The following KCNB2 variants were observed in gnomAD, a reference collection of about 807,000 sequenced individuals.
The protein encoded by KCNB2 is delayed rectifier potassium channel protein.
In KCNB2, 15 loss-of-function variants were observed where a neutral mutation model predicts 61.5. The observed-to-expected ratio is 0.24, with a 90% CI of 0.16 to 0.38. KCNB2 has a LOEUF of 0.38. KCNB2 is among the 10% of genes least tolerant of loss of function. KCNB2 has a pLI of 1.00. For synonymous variants in KCNB2, 457 were observed against 446.0 expected (o/e 1.02, Z -0.31); for missense variants, 828 against 1,125.2 (o/e 0.74, Z 3.78).
intron 2 of KCNB2, among the ~76,000 whole-genome samples, chr8:72,763,680 A>G (rs1479244073): frequency 1.3e-5 from 2 of 152,244 alleles, no homozygotes; most frequent in African/African-American, 4.8e-5. Flanking sequence ...ATTGATAAAA[A>G]CAGAATTCTT....
intron 2 of KCNB2, among the ~76,000 whole-genome samples, chr8:72,581,125 T>C (rs1806886596): frequency 1.3e-5 from 2 of 152,184 alleles, no homozygotes; most frequent in Admixed American, 6.5e-5. Context: ...TATTTCCACA[T>C]GGCTATATCC....
chr8:72,655,042 A>G (rs1585809823), intron 2 of KCNB2, among the ~76,000 whole-genome samples: 2 of 152,302 alleles, frequency 1.3e-5, no homozygotes, highest in South Asian at 4.1e-4. Context: ...CATGGAATCA[A>G]CGTAAATGCC....
intron 2 of KCNB2, among the ~76,000 whole-genome samples, chr8:72,868,870 C>T (rs951238897): frequency 1.3e-5 from 2 of 152,126 alleles, no homozygotes; most frequent in African/African-American, 4.8e-5. Context: ...TAACCAGGAC[C>T]TCTCCATATC....
chr8:72,552,328 A>G lies in KCNB2; in HGVS notation c.-94+14443A>G, dbSNP rs138141156. 7.0e-4 allele frequency among the ~76,000 whole-genome samples: 106 copies of G among 152,348 alleles called. 1 individual carries two copies. The highest frequency in any genetic ancestry group is 1.4e-3 in the Non-Finnish European group (92 of 68,028). ...GTTGTCTAGACCAGTGCTTCCCAATAGAACTTGATGTGATGATGGAAATGT... is the reference window on the plus strand; with the variant it reads ...GTTGTCTAGACCAGTGCTTCCCAATGGAACTTGATGTGATGATGGAAATGT... On this transcript the variant is annotated intron_variant, in intron 1 of 2. Coordinates refer to ENST00000523207, the MANE Select transcript of KCNB2 (RefSeq NM_004770.3).
chr8:72,680,237 A>G (rs781319534), intron 2 of KCNB2, among the ~76,000 whole-genome samples: 3 of 152,174 alleles, frequency 2.0e-5, no homozygotes, highest in Non-Finnish European at 4.4e-5. Flanking sequence ...CAAGGAAGGC[A>G]TGGGTGGAAG....
intron 2 of KCNB2, among the ~76,000 whole-genome samples, chr8:72,590,787 C>A (rs1034989758): frequency 7.2e-5 from 11 of 152,100 alleles, no homozygotes; most frequent in African/African-American, 2.7e-4. Context: ...GTGTCACAAA[C>A]AAGCAAAAAA....
chr8:72,798,415 C>T (rs1809067484), intron 2 of KCNB2, among the ~76,000 whole-genome samples: 1 of 152,132 alleles, frequency 6.6e-6, no homozygotes, highest in Middle Eastern at 3.2e-3. Context: ...CTTATATCAT[C>T]CTACCATAGC....
chr8:72,636,570 A>G (rs1805969973), intron 2 of KCNB2, among the ~76,000 whole-genome samples: 1 of 152,184 alleles, frequency 6.6e-6, no homozygotes, highest in Admixed American at 6.6e-5. Flanking sequence ...AGATAGTATT[A>G]TGATCCCTGT....
intron 2 of KCNB2, among the ~76,000 whole-genome samples, chr8:72,739,867 C>T (rs1465521368): frequency 6.6e-6 from 1 of 152,096 alleles, no homozygotes; most frequent in African/African-American, 2.4e-5. Flanking sequence ...TTCTAACTTT[C>T]TAACTAAACA....
chr8:72,603,374 G>T (rs1805389626), intron 2 of KCNB2, among the ~76,000 whole-genome samples: 1 of 152,110 alleles, frequency 6.6e-6, no homozygotes, highest in Non-Finnish European at 1.5e-5. Flanking sequence ...AATGCAACAT[G>T]CCTTTGCATG....
intron 2 of KCNB2, among the ~76,000 whole-genome samples, chr8:72,694,440 A>G (rs1361732833): frequency 1.3e-5 from 2 of 152,172 alleles, no homozygotes; most frequent in African/African-American, 2.4e-5. Flanking sequence ...ATCTGCCTTA[A>G]TCGATCATTC....
intron 2 of KCNB2, among the ~76,000 whole-genome samples, chr8:72,588,464 G>A (rs1008507095): frequency 3.3e-5 from 5 of 151,796 alleles, no homozygotes; most frequent in Non-Finnish European, 2.9e-5. Context: ...CAGGTGATCC[G>A]CCAACCCCAG....
chr8:72,667,945 G>T (rs1046795709), intron 2 of KCNB2, among the ~76,000 whole-genome samples: 1 of 152,160 alleles, frequency 6.6e-6, no homozygotes, highest in African/African-American at 2.4e-5. Flanking sequence ...GACTGTGTTG[G>T]GGGTCCCCAA....
At chr8:72,678,134 A>G (rs1289881285) in intron 2 of KCNB2, among the ~76,000 whole-genome samples, 3 of 152,172 alleles carry the variant, frequency 2.0e-5, no homozygotes, top group African/African-American at 7.2e-5. Flanking sequence ...GTAATACCCC[A>G]CATCGATTAT....
At chr8:72,789,278 A>G (rs1365835485) in intron 2 of KCNB2, among the ~76,000 whole-genome samples, 2 of 152,190 alleles carry the variant, frequency 1.3e-5, no homozygotes. Context: ...ACAACATTTT[A>G]TGGGATTAGA....
At chr8:72,931,049 T>C (rs1806771141) in intron 2 of KCNB2, among the ~76,000 whole-genome samples, 1 of 152,240 alleles carries the variant, frequency 6.6e-6, no homozygotes, top group East Asian at 1.9e-4. Flanking sequence ...ATTTGTTAAA[T>C]AGGGAATCCT....
intron 2 of KCNB2, among the ~76,000 whole-genome samples, chr8:72,813,787 T>C (rs1208256298): frequency 6.6e-6 from 1 of 152,220 alleles, no homozygotes; most frequent in Non-Finnish European, 1.5e-5. Flanking sequence ...TCTCCTCACT[T>C]CTATCATCAT....
At chr8:72,646,824 G>A (rs2128986105) in intron 2 of KCNB2, among the ~76,000 whole-genome samples, 1 of 152,304 alleles carries the variant, frequency 6.6e-6, no homozygotes, top group South Asian at 2.1e-4. Context: ...TCACACAACA[G>A]TGTGAATGTG....
intron 2 of KCNB2, among the ~76,000 whole-genome samples, chr8:72,821,850 A>AATCTG (rs1563395220): frequency 6.6e-6 from 1 of 152,116 alleles, no homozygotes; most frequent in Non-Finnish European, 1.5e-5. Context: ...AAGGACGGAG[A>AATCTG]CAGAGAGACA....
Sources: allele counts gnomAD v4.1 joint callset (sites outside exome capture counted in the v4.1 genomes callset), GRCh38; gene constraint gnomAD v4.1.1; transcripts MANE v1.5; gene names NCBI Gene and HGNC (gene_info 2026-07-23, HGNC 2026-07-21).